The following BAZ2B variants were observed in gnomAD, a reference collection of about 807,000 sequenced individuals.
The protein encoded by BAZ2B is bromodomain adjacent to zinc finger domain protein 2B.
A neutral mutation model predicts 246.0 loss-of-function variants in BAZ2B; 91 were observed. The ratio of observed to expected loss-of-function variants is 0.37; its 90% CI spans 0.31 to 0.44. The LOEUF (loss-of-function observed/expected upper bound fraction) is 0.44, where lower values mean the gene tolerates loss of function less well. Ranked by LOEUF, BAZ2B falls within the 20% of genes least tolerant of loss-of-function variation. The pLI, the probability that BAZ2B is intolerant of heterozygous loss-of-function variation, is 1.00. For missense variants in BAZ2B, 2,332 were observed against 2,533.7 expected (o/e 0.92, Z 1.71); for synonymous variants, 855 against 860.0 (o/e 0.99, Z 0.10).
At chr2:159,344,014 C>T (rs1435609473) in intron 31 of BAZ2B, among the ~76,000 whole-genome samples, 61 of 81,680 alleles carry the variant, frequency 7.5e-4, no homozygotes, top group African/African-American at 3.1e-3. Context: ...GGCGACAGAA[C>T]AAGACTCCAT....
the BAZ2B span, among the ~76,000 whole-genome samples, chr2:159,639,847 C>T: frequency 2.6e-5 from 4 of 151,874 alleles, no homozygotes; most frequent in Admixed American, 1.3e-4. Context: ...TTAGTCCCTA[C>T]TTATCAATAA....
chr2:159,343,475 C>A (rs7581550), intron 31 of BAZ2B, among the ~76,000 whole-genome samples: 6,118 of 152,056 alleles, frequency 0.04, 391 homozygotes, highest in African/African-American at 0.14. Flanking sequence ...TCAAAATGGG[C>A]TAAAATATTT....
chr2:159,560,822 C>T (rs557487774), intron 1 of BAZ2B, among the ~76,000 whole-genome samples: 25 of 152,030 alleles, frequency 1.6e-4, no homozygotes, highest in Admixed American at 3.3e-4. Context: ...CCACCGCACC[C>T]GGCTAAAACC....
chr2:159,470,121 G>A (rs1288515675), intron 3 of BAZ2B, among the ~76,000 whole-genome samples: 2 of 152,174 alleles, frequency 1.3e-5, no homozygotes. Context: ...TCCTTGAAAT[G>A]CAAGATTGGC....
intron 1 of BAZ2B, 60 bp from the exon 2 acceptor site, chr2:159,555,925 C>T (rs2089049621): frequency 6.6e-6 from 1 of 152,118 alleles, no homozygotes; most frequent in African/African-American, 2.4e-5. Context: ...ATTTCAGAAA[C>T]TAAAAAGTTT....
chr2:159,484,145 A>T lies in BAZ2B; in HGVS notation c.-2-5424T>A, dbSNP rs1329978530. Reference sequence around the variant, plus strand: ...ATACCCTAAAATGGACAAGAAGAACAGTCTTCCCCTACAGAATTATCCAAA... The same window carrying T: ...ATACCCTAAAATGGACAAGAAGAACTGTCTTCCCCTACAGAATTATCCAAA... On this transcript the variant is annotated intron_variant, in intron 2 of 36. Coordinates refer to ENST00000392783, the MANE Select transcript of BAZ2B (RefSeq NM_013450.4). Among the ~76,000 whole-genome samples the T allele has an allele frequency of 4.6e-5, 7 of 152,306 alleles. No individual in the cohort carries two copies. The South Asian group carries it at 1.0e-3, about 23-fold the overall frequency.
chr2:159,461,259 GTTATA>G (rs1165405188), intron 3 of BAZ2B: 2 of 152,330 alleles, frequency 1.3e-5, no homozygotes, highest in African/African-American at 2.4e-5. Flanking sequence ...ATTACCAGTT[GTTATA>G]TTATATCTAT....
At chr2:159,495,208 G>A (rs920655232) in intron 2 of BAZ2B, among the ~76,000 whole-genome samples, 4 of 152,024 alleles carry the variant, frequency 2.6e-5, no homozygotes, top group East Asian at 1.9e-4. Context: ...TATGAAGGCC[G>A]GGCGCGGTGG....
At chr2:159,540,846 C>G (rs1391380660) in intron 2 of BAZ2B, among the ~76,000 whole-genome samples, 1 of 152,160 alleles carries the variant, frequency 6.6e-6, no homozygotes, top group Non-Finnish European at 1.5e-5. Flanking sequence ...TCAAACCTAT[C>G]TTTATTCTAA....
chr2:159,368,936 A>T (rs2060523081), intron 27 of BAZ2B, among the ~76,000 whole-genome samples: 1 of 150,898 alleles, frequency 6.6e-6, no homozygotes, highest in African/African-American at 2.4e-5. Flanking sequence ...TAAATTATTT[A>T]TTTACTTATT....
chr2:159,676,955 TATATATATATATATATATA>T, the BAZ2B span, among the ~76,000 whole-genome samples: 66 of 25,846 alleles, frequency 2.6e-3, no homozygotes, highest in African/African-American at 3.9e-3. Context: ...AGTTTTGTTA[TATATATATATATATATATA>T]TATATATATA....
chr2:159,683,121 C>T, the BAZ2B span, among the ~76,000 whole-genome samples: 1 of 152,216 alleles, frequency 6.6e-6, no homozygotes, highest in Middle Eastern at 3.4e-3. Context: ...ATAGGCTTTC[C>T]TTGGGCTGTC....
chr2:159,419,574 CA>C (rs1369515105), intron 13 of BAZ2B, among the ~76,000 whole-genome samples: 1 of 152,110 alleles, frequency 6.6e-6, no homozygotes, highest in Non-Finnish European at 1.5e-5. Flanking sequence ...GAGTAAGAAC[CA>C]TGAGAAAAGG....
chr2:159,524,583 T>C (rs1428395256), intron 2 of BAZ2B, among the ~76,000 whole-genome samples: 1 of 152,190 alleles, frequency 6.6e-6, no homozygotes, highest in Non-Finnish European at 1.5e-5. Flanking sequence ...GGGGACACTC[T>C]GACCTGAGAA....
chr2:159,397,426 A>G (rs747648227), intron 18 of BAZ2B, 37 bp from the exon 19 acceptor site: 29 of 1,347,534 alleles, frequency 2.2e-5, no homozygotes, highest in Non-Finnish European at 2.9e-5. Flanking sequence ...TGATTTTTAG[A>G]GAAGATTTAG....
chr2:159,535,440 T>C (rs1172949795), intron 2 of BAZ2B, among the ~76,000 whole-genome samples: 1 of 152,212 alleles, frequency 6.6e-6, no homozygotes, highest in East Asian at 1.9e-4. Flanking sequence ...AAGAACTGCT[T>C]GAACTCGGCA....
intron 1 of BAZ2B, among the ~76,000 whole-genome samples, chr2:159,600,762 G>T (rs1235599905): frequency 6.6e-6 from 1 of 152,140 alleles, no homozygotes; most frequent in Non-Finnish European, 1.5e-5. Flanking sequence ...AGAATCATGG[G>T]GGGCCTATAA....
At chr2:159,580,551 A>C (rs1686499928) in intron 1 of BAZ2B, among the ~76,000 whole-genome samples, 1 of 152,212 alleles carries the variant, frequency 6.6e-6, no homozygotes, top group Admixed American at 6.5e-5. Context: ...TCTTCACAGA[A>C]CTGGAAAAAA....
the BAZ2B span, among the ~76,000 whole-genome samples, chr2:159,703,265 T>C: frequency 6.0e-5 from 9 of 149,194 alleles, no homozygotes; most frequent in African/African-American, 9.8e-5. Flanking sequence ...TTTTTGTTAT[T>C]TTTTTTTTAG....
Sources: gnomAD v4.1 joint callset for allele counts (sites outside exome capture counted in the v4.1 genomes callset) on GRCh38, gnomAD v4.1.1 for gene constraint, MANE v1.5 for transcripts, NCBI Gene and HGNC (gene_info 2026-07-23, HGNC 2026-07-21) for gene names.